Variants in SPSB1 observed in about 807,000 individuals in gnomAD.
SPSB1 encodes SPRY domain-containing SOCS box protein 1.
A neutral mutation model predicts 21.2 loss-of-function variants in SPSB1; 8 were observed. That is an observed-to-expected ratio of 0.38 (90% CI 0.22 to 0.68). SPSB1 has a LOEUF of 0.68. Among genes scored for constraint, SPSB1 ranks in the 30% least tolerant of loss-of-function variants. SPSB1 has a pLI of 0.53. For synonymous variants in SPSB1, 169 were observed against 161.7 expected (o/e 1.05, Z -0.34); for missense variants, 242 against 377.8 (o/e 0.64, Z 2.98).
chr1:9,350,338 A>G (rs1012930731), intron 1 of SPSB1, among the ~76,000 whole-genome samples: 1 of 152,204 alleles, frequency 6.6e-6, no homozygotes, highest in Non-Finnish European at 1.5e-5. Context: ...GGTACAGGCC[A>G]GGCATTGGTT....
chr1:9,301,638 T>C (rs1477024354), intron 1 of SPSB1, among the ~76,000 whole-genome samples: 2 of 152,216 alleles, frequency 1.3e-5, no homozygotes, highest in Non-Finnish European at 2.9e-5. Context: ...TCAGCCTCTT[T>C]CCCTGGCCAC....
In SPSB1 at chr1:9,333,328, C is replaced by CT. The variant is rs33924371; in HGVS notation, c.-149-22395dup. Among the ~76,000 whole-genome samples the CT allele has an allele frequency of 1.7e-3, 217 of 126,506 alleles. 2 individuals carry two copies. Among genetic ancestry groups the CT allele is most frequent in the East Asian group, 0.016 (73 of 4,570 alleles). The allele number at this position is 126,506 out of a possible 152,430, so 83.0% of individuals were successfully genotyped here. A position where few individuals can be genotyped will look rare whatever the true frequency, so the allele number is the denominator to read the frequency against. On this transcript the variant is annotated intron_variant, in intron 1 of 2. Coordinates refer to ENST00000328089, the MANE Select transcript of SPSB1 (RefSeq NM_025106.4). ...GTCAGTTCTGTCTTCTTGTCAGCTTCTTTTTTTTTTTTTTTTTTTTAAGGC... is the reference window on the plus strand; with the variant it reads ...GTCAGTTCTGTCTTCTTGTCAGCTTCTTTTTTTTTTTTTTTTTTTTTAAGGC...
intron 1 of SPSB1, among the ~76,000 whole-genome samples, chr1:9,323,913 G>T (rs1639768435): frequency 6.6e-6 from 1 of 152,182 alleles, no homozygotes; most frequent in Non-Finnish European, 1.5e-5. Context: ...CCTCTCTGTG[G>T]CCCATGGGAA....
chr1:9,355,009 G>C (rs1287890839), intron 1 of SPSB1, among the ~76,000 whole-genome samples: 1 of 152,222 alleles, frequency 6.6e-6, no homozygotes, highest in Non-Finnish European at 1.5e-5. Context: ...CTGGCTTCTA[G>C]TTGAAGGGTG....
rs1266894326 is a variant in SPSB1 at position 9,356,458 on chromosome 1, C to T, written c.567C>T (p.Ser189=). 1 of 1,614,100 alleles carries T rather than the reference C, an allele frequency of 6.2e-7. No homozygotes were observed. The highest frequency in any genetic ancestry group is 8.5e-7 in the Non-Finnish European group (1 of 1,180,050). The part of the protein sequence containing the change: ...VALDMDDGTL[S]FIVDGQYMGV... ...TGGACATGGACGACGGGACTCTGAG[C>T]TTCATTGTGGATGGACAGTACATGG... is the stretch of plus-strand genomic sequence containing the variant. The change falls in exon 2 of 3, where the codon AGC becomes AGT. Residue 189 remains serine, a synonymous_variant. Transcript: ENST00000328089. The surrounding 1 kb of genome is among the most constrained non-coding windows in gnomAD (Gnocchi z 7.4).
intron 2 of SPSB1, among the ~76,000 whole-genome samples, chr1:9,364,561 T>A (rs1640527256): frequency 6.6e-6 from 1 of 152,128 alleles, no homozygotes; most frequent in East Asian, 1.9e-4. Context: ...TGGAACCCAG[T>A]CCCACCCCAT....
intron 2 of SPSB1, among the ~76,000 whole-genome samples, chr1:9,360,279 G>T (rs1241035683): frequency 1.3e-5 from 2 of 152,156 alleles, no homozygotes; most frequent in Non-Finnish European, 2.9e-5. Context: ...TTTCAGAAGG[G>T]CAAAGTAGCA....
intron 1 of SPSB1, among the ~76,000 whole-genome samples, chr1:9,344,734 G>A (rs1159230277): frequency 6.6e-6 from 1 of 152,118 alleles, no homozygotes. Context: ...GCGGATGAGT[G>A]GATGCCCGGC....
intron 2 of SPSB1, among the ~76,000 whole-genome samples, chr1:9,362,957 G>C (rs1189100029): frequency 6.6e-6 from 1 of 152,246 alleles, no homozygotes; most frequent in African/African-American, 2.4e-5. Context: ...AGGCCACAGT[G>C]CAGGTGCCCA....
At chr1:9,310,579 C>T (rs1449000502) in intron 1 of SPSB1, among the ~76,000 whole-genome samples, 2 of 152,084 alleles carry the variant, frequency 1.3e-5, no homozygotes, top group Non-Finnish European at 2.9e-5. Flanking sequence ...CCTGTGATCC[C>T]AGCTACTCTG....
At chr1:9,307,917 G>T (rs1239230571) in intron 1 of SPSB1, among the ~76,000 whole-genome samples, 1 of 152,082 alleles carries the variant, frequency 6.6e-6, no homozygotes, top group Admixed American at 6.5e-5. Context: ...CCTCGCCATG[G>T]TCCCCCTCAA....
intron 1 of SPSB1, among the ~76,000 whole-genome samples, chr1:9,353,394 G>A (rs1307387512): frequency 2.0e-5 from 3 of 152,166 alleles, no homozygotes; most frequent in Non-Finnish European, 4.4e-5. Context: ...CATGGAGGGA[G>A]TCCTAGAGGT....
intron 1 of SPSB1, among the ~76,000 whole-genome samples, chr1:9,351,256 C>T (rs1215126936): frequency 6.6e-6 from 1 of 152,248 alleles, no homozygotes; most frequent in Non-Finnish European, 1.5e-5. Context: ...TAGAAGGGAC[C>T]TTAAACTTGA....
At chr1:9,309,434 C>T (rs978023910) in intron 1 of SPSB1, among the ~76,000 whole-genome samples, 9 of 152,034 alleles carry the variant, frequency 5.9e-5, no homozygotes, top group African/African-American at 2.2e-4. Context: ...CTTCCCACCT[C>T]AGCATCCTGA....
intron 1 of SPSB1, among the ~76,000 whole-genome samples, chr1:9,343,599 C>T (rs1253017402): frequency 6.6e-6 from 1 of 152,212 alleles, no homozygotes; most frequent in Non-Finnish European, 1.5e-5. Context: ...TTCATAAGCT[C>T]ATCACTCTAA....
intron 1 of SPSB1, among the ~76,000 whole-genome samples, chr1:9,325,496 T>G (rs778918593): frequency 1.6e-4 from 24 of 152,268 alleles, no homozygotes; most frequent in Non-Finnish European, 3.5e-4. Context: ...TGGGCGACCC[T>G]AGGCCCTGCT....
rs1260154954 is a variant in SPSB1 at position 9,345,124 on chromosome 1, G to A, written c.-149-10619G>A. ...CCACAGGAGGCTAGGCTGGAGCGAG[G>A]CCCTTCCAGAGAACCAGCTTCTCTG... On this transcript the variant is annotated intron_variant, in intron 1 of 2. Coordinates refer to ENST00000328089, the MANE Select transcript of SPSB1 (RefSeq NM_025106.4). The surrounding 1 kb of genome is among the most constrained non-coding windows in gnomAD (Gnocchi z 4.8). Among the ~76,000 whole-genome samples the A allele has an allele frequency of 2.6e-5, 4 of 152,200 alleles. No individual in the cohort carries two copies. Among genetic ancestry groups the A allele is most frequent in the African/African-American group, 9.7e-5 (4 of 41,448 alleles).
chr1:9,308,028 G>A (rs980084409), intron 1 of SPSB1, among the ~76,000 whole-genome samples: 1 of 152,178 alleles, frequency 6.6e-6, no homozygotes, highest in Non-Finnish European at 1.5e-5. Flanking sequence ...TTCCAGGATT[G>A]GTTGCTGACA....
At chr1:9,338,311 C>T (rs1308806158) in intron 1 of SPSB1, among the ~76,000 whole-genome samples, 4 of 152,316 alleles carry the variant, frequency 2.6e-5, no homozygotes, top group Admixed American at 6.5e-5. Context: ...CCAGGGGAGA[C>T]CCTGTCCCCA....
Sources: gnomAD v4.1 joint callset for allele counts (sites outside exome capture counted in the v4.1 genomes callset) on GRCh38, gnomAD v4.1.1 for gene constraint, Gnocchi (gnomAD v3.1) non-coding constraint, MANE v1.5 for transcripts, NCBI Gene and HGNC (gene_info 2026-07-23, HGNC 2026-07-21) for gene names.